Variants in NUP210L observed in about 807,000 individuals in gnomAD.
The protein encoded by NUP210L is nuclear pore membrane glycoprotein 210-like.
Under a neutral mutation model 208.5 loss-of-function variants are expected in NUP210L, and 74 were observed. The observed-to-expected ratio is 0.35, with a 90% CI of 0.29 to 0.43. The LOEUF is 0.43. Ranked by LOEUF, NUP210L falls within the 20% of genes least tolerant of loss-of-function variation. The pLI, the probability that NUP210L is intolerant of heterozygous loss-of-function variation, is 1.00. For missense variants in NUP210L, 1,843 were observed against 2,289.4 expected, an observed-to-expected ratio of 0.81 and a Z score of 3.98; for synonymous variants, 780 against 816.9, an observed-to-expected ratio of 0.95 and a Z score of 0.77.
rs749445771 is a variant in NUP210L, at chr1:153,995,187, A to G, written c.5387-7T>C. The G allele has an allele frequency of 3.8e-6, 6 of 1,590,802 alleles. No individual in the cohort carries two copies. Among genetic ancestry groups the G allele is most frequent in the African/African-American group, 1.3e-5 (1 of 74,238 alleles). ...GCGGAATCTTCACAGTGATCTATAC[A>G]TTGGCCATAACAAAACAAGATAATA... On this transcript the variant is annotated splice_polypyrimidine_tract_variant and splice_region_variant and intron_variant, in intron 37 of 39. Coordinates refer to ENST00000368559, the Ensembl canonical transcript of NUP210L.
intron 17 of NUP210L, 149 bp from the exon 18 acceptor site, chr1:154,061,823 A>C: frequency 1.6e-6 from 1 of 631,914 alleles, no homozygotes; most frequent in Non-Finnish European, 2.8e-6. Flanking sequence ...ACATAAGAAA[A>C]AACTGTTTTT....
chr1:154,148,076 GGC>G lies in NUP210L; in HGVS notation c.341-4501_341-4500del, dbSNP rs562698056. 9.9e-4 allele frequency among the ~76,000 whole-genome samples: 149 copies of G among 150,182 alleles called. 1 individual carries two copies. Among genetic ancestry groups the G allele is most frequent in the African/African-American group, 3.5e-3 (142 of 41,078 alleles). ...AGTTCGAGACCAGCCCGGCCAACAT[GGC>G]CAACATGGCGAAACCCTGTCTCTAT... On this transcript the variant is annotated intron_variant, in intron 2 of 39. Transcript: ENST00000368559.
chr1:154,048,601 T>G (rs1653313862), intron 25 of NUP210L, among the ~76,000 whole-genome samples: 1 of 152,168 alleles, frequency 6.6e-6, no homozygotes, highest in Non-Finnish European at 1.5e-5. Context: ...CCAGGGCATT[T>G]CTGGCTCAGG....
exon 11 of NUP210L, chr1:154,118,793 G>A (rs1657462101): frequency 6.4e-7 from 1 of 1,574,420 alleles, no homozygotes; most frequent in Non-Finnish European, 8.7e-7. Flanking sequence ...AATTTTATAG[G>A]CTGAATATCT....
intron 29 of NUP210L, among the ~76,000 whole-genome samples, chr1:154,026,189 G>A (rs1651868253): frequency 6.6e-6 from 1 of 151,942 alleles, no homozygotes; most frequent in African/African-American, 2.4e-5. Flanking sequence ...GAGCCGAGAT[G>A]ACACCATTTG....
At chr1:154,083,796 T>C (rs540812066) in intron 16 of NUP210L, among the ~76,000 whole-genome samples, 6 of 151,940 alleles carry the variant, frequency 3.9e-5, no homozygotes, top group South Asian at 2.1e-4. Context: ...ATTGGTGTGA[T>C]TGAGGTGGGA....
At chr1:154,151,710 C>T (rs538488129) in intron 2 of NUP210L, among the ~76,000 whole-genome samples, 10 of 151,968 alleles carry the variant, frequency 6.6e-5, no homozygotes, top group East Asian at 5.8e-4. Flanking sequence ...CACTGTGTTG[C>T]GCAGGCCAGG....
At chr1:154,132,242 C>T (rs1008577290) in intron 7 of NUP210L, among the ~76,000 whole-genome samples, 8 of 152,146 alleles carry the variant, frequency 5.3e-5, no homozygotes, top group African/African-American at 1.9e-4. Context: ...ATATAATTTC[C>T]CTAGGTGATT....
At chr1:154,154,732 C>G in intron 1 of NUP210L, 110 bp downstream of exon 1, 1 of 864,256 alleles carries the variant, frequency 1.2e-6, no homozygotes, top group Non-Finnish European at 1.9e-6. Context: ...CGGCTAGGCC[C>G]CTTCACGCGG....
chr1:154,092,551 T>G (rs1457143708), intron 15 of NUP210L, among the ~76,000 whole-genome samples: 4 of 77,452 alleles, frequency 5.2e-5, no homozygotes, highest in African/African-American at 1.4e-4. Context: ...TTGTTTTTTG[T>G]TTTTTTTTTT....
chr1:154,048,815 A>C (rs1653325092), intron 25 of NUP210L, among the ~76,000 whole-genome samples: 1 of 152,214 alleles, frequency 6.6e-6, no homozygotes, highest in Admixed American at 6.5e-5. Context: ...GTGCAAGTAC[A>C]TACAGGAGTC....
intron 25 of NUP210L, among the ~76,000 whole-genome samples, chr1:154,052,564 AG>A (rs1481977156): frequency 2.0e-5 from 3 of 152,218 alleles, no homozygotes; most frequent in Non-Finnish European, 4.4e-5. Context: ...TCCTTCAACA[AG>A]GGCTGACACA....
In NUP210L at chr1:154,006,966, AT is replaced by A. The variant is rs1196661554; in HGVS notation, c.4930+3005del. Among the ~76,000 whole-genome samples the A allele has an allele frequency of 2.0e-3, 230 of 115,778 alleles. 4 individuals are homozygous for A. Among genetic ancestry groups the A allele is most frequent in the African/African-American group, 5.0e-3 (152 of 30,382 alleles). The allele number at this position is 115,778 out of a possible 152,430, so 76.0% of individuals were successfully genotyped here. A position where few individuals can be genotyped will look rare whatever the true frequency, so the allele number is the denominator to read the frequency against. Reference sequence around the variant, plus strand: ...TGTGTGTATATATATATATATATATATTTTTTTTTTTTTTTTAAATGGAGTT... The same window carrying A: ...TGTGTGTATATATATATATATATATATTTTTTTTTTTTTTTAAATGGAGTT... On this transcript the variant is annotated intron_variant, in intron 35 of 39. Transcript: ENST00000368559.
chr1:154,018,062 C>G (rs1651360318), intron 33 of NUP210L, among the ~76,000 whole-genome samples: 1 of 151,814 alleles, frequency 6.6e-6, no homozygotes, highest in Non-Finnish European at 1.5e-5. Flanking sequence ...ACCTCCACCT[C>G]CCAGGTTCAA....
At chr1:154,120,576 T>C (rs1657566095) in intron 10 of NUP210L, among the ~76,000 whole-genome samples, 2 of 148,698 alleles carry the variant, frequency 1.3e-5, no homozygotes, top group South Asian at 4.2e-4. Context: ...TGTATACATA[T>C]GTAACAAACC....
intron 18 of NUP210L, among the ~76,000 whole-genome samples, chr1:154,061,303 G>A (rs1247648844): frequency 2.0e-5 from 3 of 151,854 alleles, no homozygotes; most frequent in Admixed American, 6.6e-5. Context: ...GCTTGAACCC[G>A]GGAGGCAGAG....
chr1:154,102,860 GTA>G (rs68141863), intron 13 of NUP210L, among the ~76,000 whole-genome samples: 67,557 of 151,752 alleles, frequency 0.45, 16,096 homozygotes, highest in Non-Finnish European at 0.55. Context: ...AAGACATATG[GTA>G]TATATATAAG....
chr1:154,006,185 CATTT>C (rs1650515650), intron 35 of NUP210L, among the ~76,000 whole-genome samples: 1 of 151,866 alleles, frequency 6.6e-6, no homozygotes, highest in Admixed American at 6.6e-5. Context: ...TTATTTTATT[CATTT>C]ATTTATTTAG....
chr1:154,043,364 G>A (rs1652997453), intron 27 of NUP210L, among the ~76,000 whole-genome samples: 1 of 151,194 alleles, frequency 6.6e-6, no homozygotes, highest in African/African-American at 2.4e-5. Context: ...GCCCAGGCTG[G>A]AGTGCAATGG....
Sources: gnomAD v4.1 joint callset for allele counts (sites outside exome capture counted in the v4.1 genomes callset) on GRCh38, gnomAD v4.1.1 for gene constraint, MANE v1.5 for transcripts, NCBI Gene and HGNC (gene_info 2026-07-23, HGNC 2026-07-21) for gene names.